Variants in MANBA observed in about 807,000 individuals in gnomAD.
MANBA encodes the protein mannosidase beta.
In MANBA, 83 loss-of-function variants were observed where a neutral mutation model predicts 111.1. That is an observed-to-expected ratio of 0.75 (90% CI 0.63 to 0.90). MANBA has a LOEUF of 0.90. Among genes scored for constraint, MANBA ranks in the 40% least tolerant of loss-of-function variants. The pLI is 0.00. For synonymous variants in MANBA, 370 were observed against 378.7 expected, an observed-to-expected ratio of 0.98 and a Z score of 0.27; for missense variants, 1,036 against 1,069.0, an observed-to-expected ratio of 0.97 and a Z score of 0.43.
intron 5 of MANBA, among the ~76,000 whole-genome samples, chr4:102,713,186 A>G (rs966062304): frequency 5.9e-5 from 9 of 152,208 alleles, no homozygotes; most frequent in Non-Finnish European, 2.9e-5. Context: ...CTCTCAAGAT[A>G]ACAGAACTCT....
At chr4:102,644,609 T>A (rs1027869882) in intron 13 of MANBA, among the ~76,000 whole-genome samples, 6 of 151,954 alleles carry the variant, frequency 3.9e-5, no homozygotes, top group Non-Finnish European at 8.8e-5. Flanking sequence ...GTGGGCTGGA[T>A]GGGGGAAAGA....
At chr4:102,740,601 T>C (rs148015292) in intron 1 of MANBA, among the ~76,000 whole-genome samples, 122 of 152,110 alleles carry the variant, frequency 8.0e-4, no homozygotes, top group African/African-American at 2.7e-3. Context: ...AACAGGAACA[T>C]AGACCAGTGG....
intron 1 of MANBA, among the ~76,000 whole-genome samples, chr4:102,760,434 C>A (rs190932903): frequency 9.0e-4 from 137 of 152,300 alleles, no homozygotes; most frequent in African/African-American, 3.2e-3. Flanking sequence ...CAGTAGAGAA[C>A]GACTGCAGTA....
In MANBA at chr4:102,734,870, G is replaced by T. The variant is rs371987632; in HGVS notation, c.178-8187C>A. 3.9e-5 allele frequency among the ~76,000 whole-genome samples: 6 copies of T among 152,292 alleles called. No individual in the cohort carries two copies. In the East Asian group the frequency reaches 1.2e-3, roughly 29 times the overall value. On this transcript the variant is annotated intron_variant, in intron 1 of 16. Coordinates refer to ENST00000647097, the MANE Select transcript of MANBA (RefSeq NM_005908.4). ...AAACACACTGTGACTGTATTAGGAG[G>T]TTTGTTTAGAAGTTGGGTCAGCTCA... is the stretch of plus-strand genomic sequence containing the variant.
intron 16 of MANBA, 42 bp downstream of exon 16, chr4:102,634,746 C>T: frequency 1.9e-6 from 3 of 1,612,138 alleles, no homozygotes; most frequent in Non-Finnish European, 2.5e-6. Context: ...GAGAACCCCA[C>T]AAGGCCACAG....
chr4:102,718,963 G>T (rs754552528), intron 4 of MANBA, among the ~76,000 whole-genome samples: 2 of 152,158 alleles, frequency 1.3e-5, no homozygotes, highest in Non-Finnish European at 2.9e-5. Context: ...ACAAGGCAAG[G>T]CAAAATTAGA....
intron 5 of MANBA, among the ~76,000 whole-genome samples, chr4:102,713,896 C>CA (rs987115592): frequency 0.035 from 2,372 of 68,062 alleles, 29 homozygotes; most frequent in Middle Eastern, 0.062. Flanking sequence ...AACTCCATCT[C>CA]AAAAAAAAAA....
chr4:102,634,671 G>A (rs1729535328), intron 16 of MANBA, 117 bp downstream of exon 16: 1 of 1,399,662 alleles, frequency 7.1e-7, no homozygotes, highest in Non-Finnish European at 1.0e-6. Flanking sequence ...CCAGGCCTCA[G>A]GTAAACTCAG....
chr4:102,690,592 T>A lies in MANBA; in HGVS notation c.849+4A>T, dbSNP rs534714800. The A allele has an allele frequency of 1.9e-6, 3 of 1,609,266 alleles. No homozygotes were observed. In the South Asian group the frequency reaches 3.3e-5, roughly 18 times the overall value. On this transcript the variant is annotated splice_donor_region_variant and intron_variant, in intron 6 of 16. Coordinates refer to ENST00000647097, the MANE Select transcript of MANBA (RefSeq NM_005908.4). The stretch of plus-strand genomic sequence containing the variant: ...AGTGCTTCTCAGGAAGTACCATCAT[T>A]TACCTTGCTAATGTTCACAAATAGC...
At chr4:102,697,762 G>T (rs1003201886) in intron 5 of MANBA, among the ~76,000 whole-genome samples, 33 of 151,202 alleles carry the variant, frequency 2.2e-4, no homozygotes, top group African/African-American at 8.0e-4. Flanking sequence ...TATCATTGTT[G>T]GACATTTGGG....
In MANBA at chr4:102,651,214, G is replaced by A. The variant is rs113373536; in HGVS notation, c.1705-513C>T. Among the ~76,000 whole-genome samples the A allele has an allele frequency of 1.0e-3, 155 of 152,036 alleles. 1 individual carries two copies. The highest frequency in any genetic ancestry group is 3.6e-3 in the African/African-American group (149 of 41,498). Reference sequence around the variant, plus strand: ...ACTTACACTGTTCACTTGTTTCTCAGTGATTACTAAATGAAACTGATATAC... The same window carrying A: ...ACTTACACTGTTCACTTGTTTCTCAATGATTACTAAATGAAACTGATATAC... On this transcript the variant is annotated intron_variant, in intron 12 of 16. Transcript: ENST00000647097.
chr4:102,665,594 A>C (rs1266142043), intron 10 of MANBA: 1 of 152,278 alleles, frequency 6.6e-6, no homozygotes, highest in Non-Finnish European at 1.5e-5. Flanking sequence ...GGCCTGCATA[A>C]ACTGAGCTCA....
chr4:102,738,285 C>A (rs1219869367), intron 1 of MANBA, among the ~76,000 whole-genome samples: 1 of 152,236 alleles, frequency 6.6e-6, no homozygotes, highest in African/African-American at 2.4e-5. Context: ...AACTTCACTG[C>A]TAGCATAACC....
chr4:102,756,797 TA>T (rs35787338), intron 1 of MANBA, among the ~76,000 whole-genome samples: 7,623 of 71,946 alleles, frequency 0.11, 156 homozygotes, highest in South Asian at 0.14. Context: ...AGAGACTATC[TA>T]AAAAAAAAAA....
intron 16 of MANBA, among the ~76,000 whole-genome samples, chr4:102,633,663 C>A (rs1202203887): frequency 6.6e-6 from 1 of 152,142 alleles, no homozygotes; most frequent in Non-Finnish European, 1.5e-5. Flanking sequence ...CCCTGCTTTT[C>A]TCCCACCCCA....
chr4:102,698,209 C>T lies in MANBA; in HGVS notation c.674-7438G>A, dbSNP rs546231843. 5.4e-3 allele frequency among the ~76,000 whole-genome samples: 821 copies of T among 152,036 alleles called. 12 individuals carry two copies. Among genetic ancestry groups the T allele is most frequent in the African/African-American group, 0.019 (777 of 41,412 alleles). On this transcript the variant is annotated intron_variant, in intron 5 of 16. Coordinates refer to ENST00000647097, the MANE Select transcript of MANBA (RefSeq NM_005908.4). ...CCCACTTTTTGATGGGGTTGTTTGT[C>T]TTTTTCTTGTAAATTTGTTTGAGTT...
At chr4:102,756,628 C>CA (rs1724031521) in intron 1 of MANBA, among the ~76,000 whole-genome samples, 1 of 148,560 alleles carries the variant, frequency 6.7e-6, no homozygotes, top group African/African-American at 2.5e-5. Flanking sequence ...TAAAGTATAA[C>CA]AAAAAAAGGG....
At chr4:102,730,785 T>C in intron 1 of MANBA, 1 of 446,246 alleles carries the variant, frequency 2.2e-6, no homozygotes, top group Non-Finnish European at 4.4e-6. Flanking sequence ...TTATAGGGTT[T>C]AGCTTGTTAA....
chr4:102,745,612 C>T (rs1266689566), intron 1 of MANBA, among the ~76,000 whole-genome samples: 1 of 152,202 alleles, frequency 6.6e-6, no homozygotes, highest in Non-Finnish European at 1.5e-5. Flanking sequence ...TTCCAGCTTG[C>T]TCACAGTGGG....
Sources: gnomAD v4.1 joint callset for allele counts (sites outside exome capture counted in the v4.1 genomes callset) on GRCh38, gnomAD v4.1.1 for gene constraint, MANE v1.5 for transcripts, NCBI Gene and HGNC (gene_info 2026-07-23, HGNC 2026-07-21) for gene names.